Variants in ADAMTS14 observed in about 807,000 individuals in gnomAD.
ADAMTS14 encodes the protein A disintegrin and metalloproteinase with thrombospondin motifs 14.
Under a neutral mutation model 128.6 loss-of-function variants are expected in ADAMTS14, and 100 were observed. The observed-to-expected ratio is 0.78, with a 90% confidence interval of 0.66 to 0.92. The LOEUF (loss-of-function observed/expected upper bound fraction) is 0.92. Among genes scored for constraint, ADAMTS14 ranks in the 40% least tolerant of loss-of-function variants. The pLI is 0.00. For missense variants in ADAMTS14, 1,562 were observed against 1,658.6 expected (o/e 0.94, Z 1.01); for synonymous variants, 665 against 653.8 (o/e 1.02, Z -0.26).
rs556454111 is a variant in ADAMTS14 at position 70,682,244 on chromosome 10, G to A, written c.522+7249G>A. On this transcript the variant is annotated intron_variant, in intron 2 of 21. Transcript: ENST00000373207. ...GAAGAGGACCGGGTAGTCATAGGGG[G>A]TGGGATTATGGCAAAAGGGAGAGGA... Among the ~76,000 whole-genome samples the A allele has an allele frequency of 2.6e-5, 4 of 152,342 alleles. No individual in the cohort carries two copies. In the East Asian group the frequency reaches 7.7e-4, roughly 29 times the overall value.
chr10:70,673,015 T>G (rs1589250295), intron 1 of ADAMTS14, 131 bp downstream of exon 1: 1 of 1,260,850 alleles, frequency 7.9e-7, no homozygotes, highest in East Asian at 3.2e-5. Flanking sequence ...CTGGGCTGAT[T>G]TGCTGTCTTT....
intron 4 of ADAMTS14, among the ~76,000 whole-genome samples, chr10:70,714,665 T>A (rs1840968479): frequency 6.6e-6 from 1 of 152,038 alleles, no homozygotes; most frequent in Admixed American, 6.6e-5. Flanking sequence ...AACTGGGGGT[T>A]TGGCCAGGTA....
At chr10:70,742,553 G>C (rs938122074) in intron 12 of ADAMTS14, among the ~76,000 whole-genome samples, 4 of 152,266 alleles carry the variant, frequency 2.6e-5, no homozygotes, top group African/African-American at 9.6e-5. Flanking sequence ...CCAGGGACCA[G>C]AGCAGAGCCC....
At position 70,760,475 on chromosome 10, in the gene ADAMTS14, G is replaced by A. The variant is rs145472010; in HGVS notation, c.3294G>A (p.Ser1098=). Residue 1098 remains serine, a synonymous_variant, in exon 22 of 22, where the codon TCG becomes TCA. Transcript: ENST00000373207. ...GTGTGTCCTGCATCAAGAAGGCCTCGGGCCCCAACCCTGGCCCAGACCCTG... is the reference window on the plus strand; with the variant it reads ...GTGTGTCCTGCATCAAGAAGGCCTCAGGCCCCAACCCTGGCCCAGACCCTG... ...LCCVSCIKKA[S]GPNPGPDPGP... is the part of the protein sequence containing the mutation. 85 of 1,613,670 alleles carry A rather than the reference G, an allele frequency of 5.3e-5. No homozygotes were observed. The highest frequency in any genetic ancestry group is 1.8e-4 in the South Asian group (16 of 91,066).
In ADAMTS14 at chr10:70,743,604, A is replaced by C. The variant is rs1185431684; in HGVS notation, c.1981A>C (p.Met661Leu). 1.9e-6 allele frequency: 3 copies of C among 1,612,834 alleles called. No homozygotes were observed. Among genetic ancestry groups the C allele is most frequent in the Non-Finnish European group, 2.5e-6 (3 of 1,179,730 alleles). Residue 661 changes from methionine (M) to leucine (L), a missense_variant, in exon 13 of 22, where the codon ATG becomes CTG. Coordinates refer to ENST00000373207, the MANE Select transcript of ADAMTS14 (RefSeq NM_080722.4). ...GGCGGACACGGGGGACGTGGTGTTC[A>C]TGAACCAGGTGGTTCACGATGGGAC... ...QSADTGDVVF[M>L]NQVVHDGTRC... is the part of the protein sequence containing the mutation.
intron 2 of ADAMTS14, 91 bp downstream of exon 2, chr10:70,675,086 C>A: frequency 6.8e-7 from 1 of 1,477,540 alleles, no homozygotes; most frequent in Non-Finnish European, 9.2e-7. Flanking sequence ...GTTTTGCAGT[C>A]TGGGCCAAGG....
At chr10:70,716,511 A>T (rs1841049973) in intron 4 of ADAMTS14, among the ~76,000 whole-genome samples, 1 of 152,188 alleles carries the variant, frequency 6.6e-6, no homozygotes, top group South Asian at 2.1e-4. Context: ...AGGAGAGCAG[A>T]TGGGGACCGA....
rs182084110 is a variant in ADAMTS14 at position 70,738,890 on chromosome 10, G to A, written c.1648G>A (p.Gly550Ser). The A allele has an allele frequency of 6.2e-6, 10 of 1,614,144 alleles. No individual in the cohort carries two copies. The East Asian group carries it at 1.6e-4, about 25-fold the overall frequency. ...CIWKSPEQTY[G>S]QDGGWSSWTK... ...CTGGAAGTCGCCGGAGCAGACATAT[G>A]GCCAGGATGGAGGCTGGAGCTCCTG... is the stretch of plus-strand genomic sequence containing the variant. Residue 550 changes from glycine (G) to serine (S), a missense_variant, in exon 11 of 22, where the codon GGC becomes AGC. Physicochemically the swap from Gly to Ser is moderately conservative, Grantham distance 56. Coordinates refer to ENST00000373207, the MANE Select transcript of ADAMTS14 (RefSeq NM_080722.4).
intron 2 of ADAMTS14, among the ~76,000 whole-genome samples, chr10:70,694,539 A>G (rs1020425482): frequency 2.0e-5 from 3 of 151,934 alleles, no homozygotes; most frequent in Admixed American, 1.3e-4. Flanking sequence ...ATCCAACATT[A>G]CCCCAGCCCT....
chr10:70,745,555 G>T, intron 15 of ADAMTS14: 1 of 532,602 alleles, frequency 1.9e-6, no homozygotes, highest in African/African-American at 1.9e-5. Flanking sequence ...TGTACCCTGG[G>T]GGCAGTTTTC....
chr10:70,728,325 C>T (rs1287102994), intron 4 of ADAMTS14, among the ~76,000 whole-genome samples: 2 of 152,200 alleles, frequency 1.3e-5, no homozygotes, highest in African/African-American at 4.8e-5. Context: ...TGCAGGTTAA[C>T]TGTAGTTATT....
chr10:70,731,064 C>CCACACACACACACACACACA (rs56903140), intron 6 of ADAMTS14, among the ~76,000 whole-genome samples: 100 of 145,776 alleles, frequency 6.9e-4, no homozygotes, highest in African/African-American at 2.3e-3. Flanking sequence ...GTTTTACACA[C>CCACACACACACACACACACA]CACACACACA....
At chr10:70,673,854 T>G (rs559179622) in intron 1 of ADAMTS14, among the ~76,000 whole-genome samples, 32 of 152,140 alleles carry the variant, frequency 2.1e-4, no homozygotes, top group Non-Finnish European at 4.1e-4. Context: ...GCCTGGAGCA[T>G]GGGGCCATGA....
chr10:70,726,100 G>A (rs1278881518), intron 4 of ADAMTS14, among the ~76,000 whole-genome samples: 2 of 152,184 alleles, frequency 1.3e-5, no homozygotes, highest in African/African-American at 4.8e-5. Context: ...TTGCATCTAG[G>A]CCAGTTACCA....
chr10:70,758,098 C>A lies in ADAMTS14; in HGVS notation c.3067+7C>A, dbSNP rs1842523211. ...AGCCTGCCCGCCTGTGGAGGTGAGCCAGAGGGGATGGGGAGGCCAGGTCCA... is the reference window on the plus strand; with the variant it reads ...AGCCTGCCCGCCTGTGGAGGTGAGCAAGAGGGGATGGGGAGGCCAGGTCCA... On this transcript the variant is annotated splice_region_variant and intron_variant, in intron 20 of 21. Transcript: ENST00000373207. 6.2e-7 allele frequency: 1 copy of A among 1,612,084 alleles called. No individual in the cohort carries two copies. Among genetic ancestry groups the A allele is most frequent in the Admixed American group, 1.7e-5 (1 of 59,876 alleles).
At chr10:70,682,872 T>A (rs1306755524) in intron 2 of ADAMTS14, among the ~76,000 whole-genome samples, 1 of 152,208 alleles carries the variant, frequency 6.6e-6, no homozygotes, top group Non-Finnish European at 1.5e-5. Flanking sequence ...CATTCCCACC[T>A]GTAGTTCCCA....
Position 70,760,656 on chromosome 10 carries a change from T to TC in ADAMTS14, c.3479dup (p.Gly1161ArgfsTer9), listed in dbSNP as rs761551703. ...GCTCCCAGGAGCTCTGGATACAAGC[T>TC]CCCCAGGGACCCAGCATCCCTTTGC... is the stretch of plus-strand genomic sequence containing the variant. On this transcript the variant is annotated frameshift_variant, in exon 22 of 22. Transcript: ENST00000373207. 8 of 1,613,866 alleles carry TC rather than the reference T, an allele frequency of 5.0e-6. No individual in the cohort carries two copies. The highest frequency in any genetic ancestry group is 5.9e-6 in the Non-Finnish European group (7 of 1,179,978).
chr10:70,755,805 C>T (rs1008778170), intron 19 of ADAMTS14, among the ~76,000 whole-genome samples: 1 of 152,162 alleles, frequency 6.6e-6, no homozygotes, highest in African/African-American at 2.4e-5. Flanking sequence ...GCCAAGATCA[C>T]GCCATTGTAT....
At chr10:70,714,946 C>CAA (rs58012076) in intron 4 of ADAMTS14, among the ~76,000 whole-genome samples, 677 of 62,974 alleles carry the variant, frequency 0.011, 35 homozygotes, top group African/African-American at 0.04. Context: ...ACTGCAGTCT[C>CAA]AAAAAAAAAA....
Sources: gnomAD v4.1 joint callset for allele counts (sites outside exome capture counted in the v4.1 genomes callset) on GRCh38, gnomAD v4.1.1 for gene constraint, MANE v1.5 for transcripts, NCBI Gene and HGNC (gene_info 2026-07-23, HGNC 2026-07-21) for gene names.